The following GPC6 variants were observed in gnomAD, a reference collection of about 807,000 sequenced individuals.
GPC6 encodes glypican 6, also known as glypican-6.
Under a neutral mutation model 55.2 loss-of-function variants are expected in GPC6, and 14 were observed. That is an observed-to-expected ratio of 0.25 (90% confidence interval 0.17 to 0.40). The LOEUF (loss-of-function observed/expected upper bound fraction) is 0.40. GPC6 is among the 10% of genes least tolerant of loss of function. GPC6 has a pLI of 1.00. For missense variants in GPC6, 641 were observed against 708.5 expected (o/e 0.90, Z 1.08); for synonymous variants, 278 against 259.6 (o/e 1.07, Z -0.68).
intron 5 of GPC6, among the ~76,000 whole-genome samples, chr13:94,288,841 AC>A (rs1295829243): frequency 1.7e-5 from 2 of 116,866 alleles, no homozygotes; most frequent in African/African-American, 6.9e-5. Flanking sequence ...GTTATATATA[AC>A]AAATATATAT....
At chr13:94,083,409 C>CTT in intron 4 of GPC6, among the ~76,000 whole-genome samples, 2 of 152,266 alleles carry the variant, frequency 1.3e-5, no homozygotes, top group African/African-American at 4.8e-5. Flanking sequence ...TGAGCCACTG[C>CTT]ACCCGGCCAG....
chr13:93,245,832 C>T (rs1199368451), intron 1 of GPC6, among the ~76,000 whole-genome samples: 1 of 152,152 alleles, frequency 6.6e-6, no homozygotes, highest in Non-Finnish European at 1.5e-5. Context: ...CCTAGGGGGA[C>T]TAAGGAAAAG....
At position 93,926,157 on chromosome 13, in the gene GPC6, C is replaced by T. The variant is rs1295601192; in HGVS notation, c.711+95612C>T. Among the ~76,000 whole-genome samples, 3 of 152,070 alleles carry T rather than the reference C, an allele frequency of 2.0e-5. No homozygotes were observed. In the East Asian group the frequency reaches 5.8e-4, roughly 29 times the overall value. On this transcript the variant is annotated intron_variant, in intron 3 of 8. Coordinates refer to ENST00000377047, the MANE Select transcript of GPC6 (RefSeq NM_005708.5). ...CACACAGTGTCATTTCCATTGCATTCTTTTGGTCACACAGATGAGCCCAGA... is the reference window on the plus strand; with the variant it reads ...CACACAGTGTCATTTCCATTGCATTTTTTTGGTCACACAGATGAGCCCAGA...
At chr13:93,895,108 T>G (rs1173556223) in intron 3 of GPC6, among the ~76,000 whole-genome samples, 2 of 150,262 alleles carry the variant, frequency 1.3e-5, no homozygotes, top group African/African-American at 4.9e-5. Flanking sequence ...ATATATATAT[T>G]TTCACCTCTA....
chr13:93,243,022 C>T (rs1028750610), intron 1 of GPC6, among the ~76,000 whole-genome samples: 5 of 152,174 alleles, frequency 3.3e-5, no homozygotes, highest in East Asian at 1.9e-4. Context: ...ACCGGGGGAA[C>T]AGGAAGGGAC....
At chr13:93,920,235 T>C (rs1877499125) in intron 3 of GPC6, among the ~76,000 whole-genome samples, 1 of 152,144 alleles carries the variant, frequency 6.6e-6, no homozygotes, top group Admixed American at 6.6e-5. Context: ...CTTTTTTCTC[T>C]ATCTTTTTCA....
At chr13:93,545,465 T>C (rs755211872) in intron 2 of GPC6, 44 bp downstream of exon 2, 33 of 1,499,142 alleles carry the variant, frequency 2.2e-5, no homozygotes, top group African/African-American at 4.1e-5. Flanking sequence ...AGGTGCACTT[T>C]TCTATGAGAA....
intron 1 of GPC6, among the ~76,000 whole-genome samples, chr13:93,440,067 C>T (rs143749738): frequency 1.5e-3 from 229 of 152,266 alleles, no homozygotes; most frequent in Middle Eastern, 3.4e-3. Flanking sequence ...ACAAGTGCTG[C>T]GGAATCAATA....
intron 2 of GPC6, among the ~76,000 whole-genome samples, chr13:93,586,725 A>G (rs1452982825): frequency 6.6e-6 from 1 of 152,200 alleles, no homozygotes; most frequent in African/African-American, 2.4e-5. Flanking sequence ...CCAGGCTGCA[A>G]GACTAAAAAC....
chr13:93,945,465 T>C (rs1163068074), intron 3 of GPC6, among the ~76,000 whole-genome samples: 2 of 152,160 alleles, frequency 1.3e-5, no homozygotes, highest in African/African-American at 2.4e-5. Context: ...AATGCTCCAA[T>C]TGAAAGTTGT....
At chr13:93,439,901 G>GT (rs1566358304) in intron 1 of GPC6, among the ~76,000 whole-genome samples, 1 of 152,008 alleles carries the variant, frequency 6.6e-6, no homozygotes, top group Non-Finnish European at 1.5e-5. Flanking sequence ...CTAAGCCTTA[G>GT]TTTTATCCTC....
Position 94,148,502 on chromosome 13 carries a change from GA to G in GPC6, c.877+120611del, listed in dbSNP as rs886464274. 5.9e-5 allele frequency among the ~76,000 whole-genome samples: 9 copies of G among 152,156 alleles called. 1 individual carries two copies. Among genetic ancestry groups the G allele is most frequent in the African/African-American group, 2.2e-4 (9 of 41,522 alleles). ...GTTGATTCAGCTAATAGATTCAATG[GA>G]AATATAAGATATTATTTTGCAAGTC... On this transcript the variant is annotated intron_variant, in intron 4 of 8. Transcript: ENST00000377047.
intron 6 of GPC6, among the ~76,000 whole-genome samples, chr13:94,321,324 C>T (rs1225738022): frequency 6.6e-6 from 1 of 152,126 alleles, no homozygotes; most frequent in Non-Finnish European, 1.5e-5. Flanking sequence ...CACTGATGGA[C>T]ATGTAGGTTG....
At chr13:93,982,425 C>G (rs534220024) in intron 3 of GPC6, among the ~76,000 whole-genome samples, 1 of 151,926 alleles carries the variant, frequency 6.6e-6, no homozygotes, top group African/African-American at 2.4e-5. Flanking sequence ...TGGAAGAGAC[C>G]GAGGGAAAGG....
At chr13:93,867,936 C>G (rs983504241) in intron 3 of GPC6, among the ~76,000 whole-genome samples, 4 of 151,744 alleles carry the variant, frequency 2.6e-5, no homozygotes, top group African/African-American at 4.8e-5. Flanking sequence ...ACAAGGGCAG[C>G]AGGAGTTACA....
chr13:93,523,214 TATATGGGTACATATATACACATATGTAC>T (rs573126521), intron 1 of GPC6, among the ~76,000 whole-genome samples: 383 of 146,754 alleles, frequency 2.6e-3, no homozygotes, highest in Admixed American at 4.9e-3. Context: ...TGTATATGTA[TATATGGGTACATATATACACATATGTAC>T]ATATACACAT....
At chr13:93,833,969 T>C (rs1234886964) in intron 3 of GPC6, among the ~76,000 whole-genome samples, 2 of 152,122 alleles carry the variant, frequency 1.3e-5, no homozygotes, top group Non-Finnish European at 2.9e-5. Flanking sequence ...CCAGGATTCA[T>C]TTTCTGTGTG....
intron 2 of GPC6, among the ~76,000 whole-genome samples, chr13:93,764,138 T>C (rs1885038674): frequency 6.6e-6 from 1 of 152,132 alleles, no homozygotes; most frequent in Non-Finnish European, 1.5e-5. Context: ...CCTAAGCTTC[T>C]AAGCCTCTAA....
chr13:93,538,296 G>T (rs1882141321), intron 1 of GPC6, among the ~76,000 whole-genome samples: 1 of 152,118 alleles, frequency 6.6e-6, no homozygotes, highest in Non-Finnish European at 1.5e-5. Context: ...AGTCATGGAG[G>T]TATATGTAAG....
Sources: allele counts gnomAD v4.1 joint callset (sites outside exome capture counted in the v4.1 genomes callset), GRCh38; gene constraint gnomAD v4.1.1; transcripts MANE v1.5; gene names NCBI Gene and HGNC (gene_info 2026-07-23, HGNC 2026-07-21).